The following RPS6KC1 variants were observed in gnomAD, a reference collection of about 807,000 sequenced individuals.
RPS6KC1 encodes the protein inactive ribosomal protein S6 kinase delta-1.
A neutral mutation model predicts 103.8 loss-of-function variants in RPS6KC1; 54 were observed. The ratio of observed to expected loss-of-function variants is 0.52; its 90% CI spans 0.42 to 0.65. The LOEUF (loss-of-function observed/expected upper bound fraction) is 0.65. Ranked by LOEUF, RPS6KC1 falls within the 30% of genes least tolerant of loss-of-function variation. The pLI is 0.00. For missense variants in RPS6KC1, 1,151 were observed against 1,253.8 expected (o/e 0.92, Z 1.24); for synonymous variants, 439 against 438.7 (o/e 1.00, Z -0.01).
chr1:213,839,241 T>C, the RPS6KC1 span, among the ~76,000 whole-genome samples: 1 of 152,178 alleles, frequency 6.6e-6, no homozygotes, highest in African/African-American at 2.4e-5. Flanking sequence ...TAATAACAGG[T>C]ACTTCAGAGG....
chr1:213,139,856 A>AT (rs1278179970), intron 6 of RPS6KC1, among the ~76,000 whole-genome samples: 4 of 151,776 alleles, frequency 2.6e-5, no homozygotes, highest in South Asian at 2.1e-4. Context: ...GAATTTTAGA[A>AT]TTTTTTTTCT....
chr1:213,443,576 T>A, the RPS6KC1 span, among the ~76,000 whole-genome samples: 1 of 152,132 alleles, frequency 6.6e-6, no homozygotes, highest in Non-Finnish European at 1.5e-5. Flanking sequence ...TTCCTGTGAC[T>A]GGGAGACTGG....
At chr1:213,297,910 CA>C in the RPS6KC1 span, among the ~76,000 whole-genome samples, 1 of 152,216 alleles carries the variant, frequency 6.6e-6, no homozygotes, top group Non-Finnish European at 1.5e-5. Context: ...AGCTACCATG[CA>C]GGGCCCTAAG....
At chr1:213,200,592 A>G (rs1450089643) in intron 8 of RPS6KC1, among the ~76,000 whole-genome samples, 1 of 152,210 alleles carries the variant, frequency 6.6e-6, no homozygotes, top group Non-Finnish European at 1.5e-5. Context: ...TTTTATGTCA[A>G]AGATGCCAAA....
At chr1:213,079,170 T>C (rs2079631557) in intron 3 of RPS6KC1, among the ~76,000 whole-genome samples, 1 of 152,110 alleles carries the variant, frequency 6.6e-6, no homozygotes, top group Non-Finnish European at 1.5e-5. Flanking sequence ...AGTATTCCAG[T>C]TTTTGAACTG....
the RPS6KC1 span, among the ~76,000 whole-genome samples, chr1:213,589,977 G>A: frequency 6.6e-6 from 1 of 150,650 alleles, no homozygotes; most frequent in Admixed American, 6.6e-5. Context: ...GTGTGTGTGT[G>A]TGTGTCTGGA....
the RPS6KC1 span, among the ~76,000 whole-genome samples, chr1:213,465,677 T>C: frequency 2.7e-5 from 4 of 148,986 alleles, no homozygotes; most frequent in Admixed American, 1.3e-4. Flanking sequence ...TACAATTAAC[T>C]TTTTCTAGTT....
rs143652254 is a variant in RPS6KC1, at chr1:213,083,263, C to T, written c.262+5447C>T. Among the ~76,000 whole-genome samples, 220 of 152,296 alleles carry T rather than the reference C, an allele frequency of 1.4e-3. 1 individual carries two copies. The highest frequency in any genetic ancestry group is 3.4e-3 in the Middle Eastern group (1 of 294). ...TTTTCACCGAAAAGGAGGTATGACT[C>T]AGAGGGTGGAACCAGTAGCTCAGAG... is the stretch of plus-strand genomic sequence containing the variant. On this transcript the variant is annotated intron_variant, in intron 3 of 14. Coordinates refer to ENST00000366960, the MANE Select transcript of RPS6KC1 (RefSeq NM_012424.6).
At chr1:213,539,220 C>T in the RPS6KC1 span, among the ~76,000 whole-genome samples, 1 of 152,202 alleles carries the variant, frequency 6.6e-6, no homozygotes, top group African/African-American at 2.4e-5. Flanking sequence ...ATGGGCTACC[C>T]ACCAGAAGTC....
chr1:213,823,345 G>A, the RPS6KC1 span, among the ~76,000 whole-genome samples: 6 of 152,198 alleles, frequency 3.9e-5, no homozygotes, highest in Admixed American at 2.0e-4. Context: ...TGTTGTCTCC[G>A]TCAGTGCCCT....
chr1:213,234,684 G>T (rs1406880218), intron 10 of RPS6KC1, among the ~76,000 whole-genome samples: 1 of 152,194 alleles, frequency 6.6e-6, no homozygotes, highest in African/African-American at 2.4e-5. Context: ...GTACAGCAGA[G>T]TAAGGACTTT....
the RPS6KC1 span, among the ~76,000 whole-genome samples, chr1:213,439,739 T>C: frequency 6.6e-6 from 1 of 152,178 alleles, no homozygotes. Context: ...TATCCTGTTA[T>C]CACTTTTACT....
chr1:213,426,632 G>T, the RPS6KC1 span, among the ~76,000 whole-genome samples: 4 of 152,128 alleles, frequency 2.6e-5, no homozygotes, highest in African/African-American at 7.2e-5. Flanking sequence ...GTGCCTGTTG[G>T]GATACCAGTA....
At chr1:213,098,257 A>G (rs1372682662) in intron 3 of RPS6KC1, among the ~76,000 whole-genome samples, 1 of 151,494 alleles carries the variant, frequency 6.6e-6, no homozygotes, top group Non-Finnish European at 1.5e-5. Flanking sequence ...CTGGGACTAC[A>G]GGGGACTACA....
chr1:213,445,250 G>C, the RPS6KC1 span, among the ~76,000 whole-genome samples: 3 of 152,148 alleles, frequency 2.0e-5, no homozygotes, highest in Non-Finnish European at 4.4e-5. Flanking sequence ...CCGTTCATCA[G>C]TTAGTGGATG....
the RPS6KC1 span, among the ~76,000 whole-genome samples, chr1:213,575,849 A>G: frequency 9.8e-5 from 15 of 152,312 alleles, no homozygotes; most frequent in Middle Eastern, 3.4e-3. Context: ...GGAGGAATTT[A>G]GCACCCAGCT....
chr1:213,600,653 A>C, the RPS6KC1 span, among the ~76,000 whole-genome samples: 1 of 152,150 alleles, frequency 6.6e-6, no homozygotes, highest in Non-Finnish European at 1.5e-5. Flanking sequence ...CCCCACCTTA[A>C]GATTACTGGG....
chr1:213,120,803 A>C (rs1031836585), intron 5 of RPS6KC1, among the ~76,000 whole-genome samples: 1 of 152,182 alleles, frequency 6.6e-6, no homozygotes, highest in African/African-American at 2.4e-5. Context: ...CTTTAGTTAC[A>C]GTTAGAGTGA....
the RPS6KC1 span, among the ~76,000 whole-genome samples, chr1:213,607,374 A>G: frequency 6.6e-6 from 1 of 152,184 alleles, no homozygotes. Context: ...ATCTTGTGTA[A>G]TTTTCCCTCT....
Sources: gnomAD v4.1 joint callset for allele counts (sites outside exome capture counted in the v4.1 genomes callset) on GRCh38, gnomAD v4.1.1 for gene constraint, MANE v1.5 for transcripts, NCBI Gene and HGNC (gene_info 2026-07-23, HGNC 2026-07-21) for gene names.